The following PREPL variants were observed in gnomAD, a reference collection of about 807,000 sequenced individuals.
PREPL encodes prolyl endopeptidase like.
In PREPL, 77 loss-of-function variants were observed where a neutral mutation model predicts 70.6. The ratio of observed to expected loss-of-function variants is 1.09; its 90% CI spans 0.91 to 1.32. The LOEUF (loss-of-function observed/expected upper bound fraction) is 1.32, where lower values mean the gene tolerates loss of function less well. PREPL is among the 40% of genes most tolerant of loss of function. PREPL has a pLI of 0.00. For synonymous variants in PREPL, 315 were observed against 264.8 expected, an observed-to-expected ratio of 1.19 and a Z score of -1.84; for missense variants, 1,002 against 778.2, an observed-to-expected ratio of 1.29 and a Z score of -3.42.
intron 5 of PREPL, among the ~76,000 whole-genome samples, chr2:44,341,073 A>C (rs1208959989): frequency 1.3e-5 from 2 of 152,100 alleles, no homozygotes; most frequent in Non-Finnish European, 2.9e-5. Flanking sequence ...CGAGACTGCT[A>C]CTACCCTTTG....
chr2:44,321,937 T>A, intron 12 of PREPL, 37 bp from the exon 13 acceptor site: 1 of 1,583,532 alleles, frequency 6.3e-7, no homozygotes, highest in Non-Finnish European at 8.6e-7. Flanking sequence ...TAGAAGATTG[T>A]ATGGGATCTT....
intron 4 of PREPL, among the ~76,000 whole-genome samples, chr2:44,343,497 C>A (rs1391963770): frequency 6.6e-6 from 1 of 152,054 alleles, no homozygotes; most frequent in Non-Finnish European, 1.5e-5. Flanking sequence ...TAAATCAAAA[C>A]ATATTGTATG....
chr2:44,324,982 T>C (rs1190472997), intron 10 of PREPL, among the ~76,000 whole-genome samples: 2 of 152,220 alleles, frequency 1.3e-5, no homozygotes, highest in African/African-American at 4.8e-5. Context: ...CTTTATTTTC[T>C]TCTGTTAACA....
Position 44,319,352 on chromosome 2 carries a change from G to T in PREPL, c.*2004C>A, listed in dbSNP as rs1189346239. On this transcript the variant is annotated 3_prime_UTR_variant, in exon 14 of 14. Coordinates refer to ENST00000409411, the MANE Select transcript of PREPL (RefSeq NM_001171613.2). The stretch of plus-strand genomic sequence containing the variant: ...GCCCATACTCTTTGACAAAGTAACT[G>T]TCTTTCTGATAATCTATCTTAAGTA... 6.6e-6 allele frequency: 1 copy of T among 152,542 alleles called. No individual in the cohort carries two copies. The highest frequency in any genetic ancestry group is 2.4e-5 in the African/African-American group (1 of 41,414). 9.4% of individuals were successfully genotyped at this position (152,542 alleles called of 1,614,324 possible).
At position 44,344,488 on chromosome 2, in the gene PREPL, T is replaced by C. The variant is rs746514727; in HGVS notation, c.142+32A>G. ...TATAAAAAATATGAAATCTGAAAAT[T>C]AGAGCACGTAAAAAGAAAAATTGTG... On this transcript the variant is annotated intron_variant, in intron 3 of 13. Transcript: ENST00000409411. 4 of 1,424,230 alleles carry C rather than the reference T, an allele frequency of 2.8e-6. No homozygotes were observed. The Admixed American group carries it at 6.6e-5, about 24-fold the overall frequency. The allele number at this position is 1,424,230 out of a possible 1,614,324, so 88.2% of individuals were successfully genotyped here.
rs1001308297 is a variant in PREPL, at chr2:44,318,059, A to T, written c.*3297T>A. On this transcript the variant is annotated 3_prime_UTR_variant, in exon 14 of 14. Transcript: ENST00000409411. ...ATTCCTAATACTTAGAAATATTTGCACATGTGCACAATAATACTTAAAGGA... is the reference window on the plus strand; with the variant it reads ...ATTCCTAATACTTAGAAATATTTGCTCATGTGCACAATAATACTTAAAGGA... 1.4e-5 allele frequency: 6 copies of T among 428,398 alleles called. No individual in the cohort carries two copies. The highest frequency in any genetic ancestry group is 1.3e-4 in the African/African-American group (6 of 46,944). The allele number at this position is 428,398 out of a possible 1,614,324, so 26.5% of individuals were successfully genotyped here. A position where few individuals can be genotyped will look rare whatever the true frequency, so the allele number is the denominator to read the frequency against.
At chr2:44,345,294 G>C (rs116163665) in intron 2 of PREPL, among the ~76,000 whole-genome samples, 12 of 151,956 alleles carry the variant, frequency 7.9e-5, no homozygotes, top group Admixed American at 7.2e-4. Flanking sequence ...ACTCTACTAT[G>C]TATGTGATTT....
intron 1 of PREPL, chr2:44,356,395 A>G (rs1677048521): frequency 6.6e-6 from 1 of 152,104 alleles, no homozygotes; most frequent in Non-Finnish European, 1.5e-5. Context: ...ATACAAAAAA[A>G]TTTAGCTGGG....
At chr2:44,361,828 G>C, upstream of PREPL, 1 of 1,212,076 alleles carries the variant, frequency 8.3e-7, no homozygotes. Context: ...TGACAGCTCG[G>C]CCCTGGTTGC....
intron 5 of PREPL, 83 bp from the exon 6 acceptor site, chr2:44,339,446 C>A: frequency 6.5e-7 from 1 of 1,548,766 alleles, no homozygotes; most frequent in South Asian, 1.2e-5. Context: ...CAGAGGTGGT[C>A]AGTATACATG....
Position 44,346,354 on chromosome 2 carries a change from G to A in PREPL, c.-12C>T. 2 of 1,612,712 alleles carry A rather than the reference G, an allele frequency of 1.2e-6. No individual in the cohort carries two copies. On this transcript the variant is annotated 5_prime_UTR_variant, in exon 2 of 14. Transcript: ENST00000409411. ...TCAAATGCATCCATGTTTTCTGGAAGGGGTTTTTCGTTTTCTTGTTTAACA... is the reference window on the plus strand; with the variant it reads ...TCAAATGCATCCATGTTTTCTGGAAAGGGTTTTTCGTTTTCTTGTTTAACA...
intron 7 of PREPL, among the ~76,000 whole-genome samples, chr2:44,336,557 T>C (rs184087964): frequency 1.4e-4 from 21 of 151,988 alleles, no homozygotes; most frequent in South Asian, 8.3e-4. Flanking sequence ...AGGGTGAGGA[T>C]TGAAAAACTA....
chr2:44,345,941 A>G (rs1675763596), intron 2 of PREPL, among the ~76,000 whole-genome samples: 1 of 152,122 alleles, frequency 6.6e-6, no homozygotes, highest in Admixed American at 6.5e-5. Context: ...CAGGAGTTCA[A>G]GATCAGCCAG....
At chr2:44,342,359 C>G in intron 5 of PREPL, 58 bp downstream of exon 5, 1 of 1,465,306 alleles carries the variant, frequency 6.8e-7, no homozygotes, top group South Asian at 1.4e-5. Flanking sequence ...AAAGTCAGTA[C>G]TTTAAATAAC....
intron 1 of PREPL, among the ~76,000 whole-genome samples, chr2:44,356,038 G>A (rs191039130): frequency 3.0e-4 from 46 of 152,270 alleles, no homozygotes; most frequent in African/African-American, 1.1e-3. Flanking sequence ...TCACTGGCTG[G>A]CTTGTAAGTA....
intron 1 of PREPL, among the ~76,000 whole-genome samples, chr2:44,358,052 A>C (rs984112968): frequency 6.6e-6 from 1 of 152,220 alleles, no homozygotes; most frequent in Non-Finnish European, 1.5e-5. Flanking sequence ...ACACCTAAAT[A>C]GGTATCAGCT....
intron 1 of PREPL, among the ~76,000 whole-genome samples, chr2:44,347,836 T>A (rs1675993904): frequency 6.6e-6 from 1 of 152,224 alleles, no homozygotes; most frequent in African/African-American, 2.4e-5. Flanking sequence ...ATGTAAGCTA[T>A]AAATACAGTT....
chr2:44,353,535 CTGAGA>C (rs1383028637), intron 1 of PREPL, among the ~76,000 whole-genome samples: 2 of 151,712 alleles, frequency 1.3e-5, no homozygotes, highest in Admixed American at 1.3e-4. Flanking sequence ...TTGCAGTGAG[CTGAGA>C]TGGCACCACT....
At chr2:44,323,119 A>G in intron 11 of PREPL, 143 bp downstream of exon 11, 1 of 863,280 alleles carries the variant, frequency 1.2e-6, no homozygotes, top group South Asian at 1.9e-5. Flanking sequence ...ATGGAGCATG[A>G]GCAGAGATGG....
Sources: allele counts gnomAD v4.1 joint callset (sites outside exome capture counted in the v4.1 genomes callset), GRCh38; gene constraint gnomAD v4.1.1; transcripts MANE v1.5; gene names NCBI Gene and HGNC (gene_info 2026-07-23, HGNC 2026-07-21).